Variants in GAL3ST4 observed in about 807,000 individuals in gnomAD.
The protein encoded by GAL3ST4 is galactose-3-O-sulfotransferase 4, also known as beta-galactose-3-O-sulfotransferase 4.
In GAL3ST4, 30 loss-of-function variants were observed where a neutral mutation model predicts 31.6. The observed-to-expected ratio is 0.95, with a 90% CI of 0.71 to 1.29. The LOEUF (loss-of-function observed/expected upper bound fraction) is 1.29, where lower values mean the gene tolerates loss of function less well. GAL3ST4 is among the 50% of genes most tolerant of loss of function. The probability of loss-of-function intolerance (pLI) is 0.00; values close to 1 mark genes in which losing one functional copy is unlikely to be tolerated. For synonymous variants in GAL3ST4, 248 were observed against 256.9 expected (o/e 0.97, Z 0.33); for missense variants, 629 against 625.2 (o/e 1.01, Z -0.06).
chr7:100,162,045 A>G (rs1457753675), intron 3 of GAL3ST4, among the ~76,000 whole-genome samples: 2 of 152,160 alleles, frequency 1.3e-5, no homozygotes, highest in East Asian at 3.8e-4. Context: ...TGATGTGTTG[A>G]TCAGTGCATC....
At position 100,160,359 on chromosome 7, in the gene GAL3ST4, T is replaced by A; in HGVS notation, c.1030A>T (p.Ser344Cys). 6.2e-7 allele frequency: 1 copy of A among 1,614,106 alleles called. No individual in the cohort carries two copies. Among genetic ancestry groups the A allele is most frequent in the East Asian group, 2.2e-5 (1 of 44,882 alleles). The change falls in exon 4 of 4, where the codon AGC becomes TGC. Residue 344 changes from serine (S) to cysteine (C), a missense_variant. Physicochemically the swap from Ser to Cys is moderately radical, Grantham distance 112. Transcript: ENST00000360039. Reference sequence around the variant, plus strand: ...TCCTCCGCAGTCAGTCCACTGTTGCTGACAGTGCTGAGGCCCTGCTTATGT... The same window carrying A: ...TCCTCCGCAGTCAGTCCACTGTTGCAGACAGTGCTGAGGCCCTGCTTATGT... ...AGHKQGLSTV[S>C]NSGLTAEDRQ...
At chr7:100,163,724 G>A (rs1383027364) in intron 3 of GAL3ST4, among the ~76,000 whole-genome samples, 1 of 151,998 alleles carries the variant, frequency 6.6e-6, no homozygotes, top group East Asian at 1.9e-4. Flanking sequence ...TTGTAGTGAT[G>A]GGGTCTTGCT....
intron 3 of GAL3ST4, among the ~76,000 whole-genome samples, chr7:100,165,184 T>G (rs1799053805): frequency 6.6e-6 from 1 of 151,370 alleles, no homozygotes; most frequent in African/African-American, 2.4e-5. Context: ...TTTTTTTTCT[T>G]TTGTGAAATG....
At chr7:100,162,562 AAAG>A (rs1316235981) in intron 3 of GAL3ST4, among the ~76,000 whole-genome samples, 3 of 133,428 alleles carry the variant, frequency 2.2e-5, no homozygotes, top group Non-Finnish European at 3.2e-5. Context: ...AAAAAAAAAG[AAAG>A]AAGCAGCCAG....
intron 3 of GAL3ST4, among the ~76,000 whole-genome samples, chr7:100,161,646 C>CT (rs1799005326): frequency 7.4e-6 from 1 of 135,518 alleles, no homozygotes; most frequent in Admixed American, 7.8e-5. Flanking sequence ...GAGCAAGACT[C>CT]TGTCTCAAAA....
chr7:100,165,139 G>A lies in GAL3ST4; in HGVS notation c.429+1363C>T, dbSNP rs201227895. Among the ~76,000 whole-genome samples, 27 of 152,052 alleles carry A rather than the reference G, an allele frequency of 1.8e-4. No individual in the cohort carries two copies. In the East Asian group the frequency reaches 5.2e-3, roughly 30 times the overall value. On this transcript the variant is annotated intron_variant, in intron 3 of 3. Coordinates refer to ENST00000360039, the MANE Select transcript of GAL3ST4 (RefSeq NM_024637.5). ...TCCACCCGCCTTGGCCTCCCAAAGT[G>A]CTGGGATTACAGGCGTGAGCCACTG...
In GAL3ST4 at chr7:100,167,234, C is replaced by A; in HGVS notation, c.-139G>T. On this transcript the variant is annotated 5_prime_UTR_variant, in exon 2 of 4. Transcript: ENST00000360039. ...GTCATTCCCCAGGCCTGCTCACAGT[C>A]TTGGTTGAGTCTGCCCCCTGAGTTA... 6.6e-7 allele frequency: 1 copy of A among 1,513,924 alleles called. No individual in the cohort carries two copies. Among genetic ancestry groups the A allele is most frequent in the South Asian group, 1.3e-5 (1 of 78,592 alleles). The allele number at this position is 1,513,924 out of a possible 1,614,324, so 93.8% of individuals were successfully genotyped here.
intron 3 of GAL3ST4, 56 bp downstream of exon 3, chr7:100,166,446 G>A (rs1461982123): frequency 7.8e-6 from 12 of 1,532,494 alleles, no homozygotes; most frequent in African/African-American, 2.7e-5. Flanking sequence ...TCCCTTGGTG[G>A]TGTCAGCCTG....
chr7:100,161,872 C>T (rs1799008616), intron 3 of GAL3ST4, among the ~76,000 whole-genome samples: 1 of 151,930 alleles, frequency 6.6e-6, no homozygotes, highest in Non-Finnish European at 1.5e-5. Flanking sequence ...AACAGAAAAC[C>T]AAACACCATG....
In GAL3ST4 at chr7:100,160,677, G is replaced by C; in HGVS notation, c.712C>G (p.Pro238Ala). ...NIHPPRDPNPPQLQVLPSGAG... is the reference protein window; with the variant it reads ...NIHPPRDPNPAQLQVLPSGAG... Reference sequence around the variant, plus strand: ...CCAGAAGGCAAGACCTGCAGCTGTGGGGGGTTGGGGTCTCTGGGGGGATGA... The same window carrying C: ...CCAGAAGGCAAGACCTGCAGCTGTGCGGGGTTGGGGTCTCTGGGGGGATGA... The change falls in exon 4 of 4, where the codon CCA becomes GCA. Residue 238 changes from proline (P) to alanine (A), a missense_variant. Transcript: ENST00000360039. 6.2e-7 allele frequency: 1 copy of C among 1,613,888 alleles called. No individual in the cohort carries two copies. Among genetic ancestry groups the C allele is most frequent in the Non-Finnish European group, 8.5e-7 (1 of 1,180,016 alleles).
At chr7:100,161,773 G>A (rs1474248576) in intron 3 of GAL3ST4, among the ~76,000 whole-genome samples, 2 of 151,910 alleles carry the variant, frequency 1.3e-5, no homozygotes, top group African/African-American at 4.8e-5. Flanking sequence ...ATGAGATAAT[G>A]TCCTTTGCAG....
intron 3 of GAL3ST4, among the ~76,000 whole-genome samples, chr7:100,163,110 A>C (rs555136590): frequency 2.3e-4 from 35 of 152,346 alleles, no homozygotes; most frequent in African/African-American, 7.9e-4. Flanking sequence ...CATAGGCAGC[A>C]GGTGGGCAGG....
At chr7:100,162,494 G>A (rs1799015862) in intron 3 of GAL3ST4, among the ~76,000 whole-genome samples, 3 of 148,824 alleles carry the variant, frequency 2.0e-5, no homozygotes, top group East Asian at 2.0e-4. Flanking sequence ...GCAGTGAGCC[G>A]AGATCGCGCC....
At position 100,159,934 on chromosome 7, in the gene GAL3ST4, G is replaced by A. The variant is rs748183670; in HGVS notation, c.1455C>T (p.Ser485=). ...SLPLKTSRPL[S]P is the part of the protein sequence containing the mutation. The stretch of plus-strand genomic sequence containing the variant: ...TAAATCTGTAGTCTGATGTTTATGG[G>A]GAGAGTGGCCTTGAAGTCTTGAGGG... The change falls in exon 4 of 4, where the codon TCC becomes TCT. Residue 485 remains serine (S), a synonymous_variant. Coordinates refer to ENST00000360039, the MANE Select transcript of GAL3ST4 (RefSeq NM_024637.5). The A allele has an allele frequency of 1.4e-4, 226 of 1,600,986 alleles. No homozygotes were observed. The highest frequency in any genetic ancestry group is 1.6e-4 in the Non-Finnish European group (188 of 1,172,860).
In GAL3ST4 at chr7:100,160,681, G is replaced by T. The variant is rs748647653; in HGVS notation, c.708C>A (p.Asn236Lys). The T allele has an allele frequency of 7.4e-6, 12 of 1,613,738 alleles. No homozygotes were observed. Among genetic ancestry groups the T allele is most frequent in the Admixed American group, 1.7e-5 (1 of 60,000 alleles). ...AAGGCAAGACCTGCAGCTGTGGGGG[G>T]TTGGGGTCTCTGGGGGGATGAATAT... is the stretch of plus-strand genomic sequence containing the variant. ...RGNIHPPRDP[N>K]PPQLQVLPSG... The change falls in exon 4 of 4, where the codon AAC becomes AAA. Residue 236 changes from asparagine to lysine, a missense_variant. Transcript: ENST00000360039.
chr7:100,161,135 T>C (rs1798998455), intron 3 of GAL3ST4, among the ~76,000 whole-genome samples, 176 bp from the exon 4 acceptor site: 1 of 152,182 alleles, frequency 6.6e-6, no homozygotes, highest in African/African-American at 2.4e-5. Context: ...TCTCTGAGAC[T>C]CAATTTGCTT....
intron 3 of GAL3ST4, among the ~76,000 whole-genome samples, chr7:100,165,175 T>G (rs530964563): frequency 6.6e-6 from 1 of 151,152 alleles, no homozygotes; most frequent in Non-Finnish European, 1.5e-5. Flanking sequence ...CGCCCGGCCT[T>G]TTTTTTCTTT....
At position 100,160,267 on chromosome 7, in the gene GAL3ST4, G is replaced by T. The variant is rs755751008; in HGVS notation, c.1122C>A (p.Asn374Lys). 1 of 1,614,086 alleles carries T rather than the reference G, an allele frequency of 6.2e-7. No individual in the cohort carries two copies. The highest frequency in any genetic ancestry group is 1.7e-5 in the Admixed American group (1 of 60,014). ...NLDWALYVHF[N>K]RSLWARIEKY... ...TCTCTATCCGTGCCCAGAGACTGCG[G>T]TTGAAGTGGACATAGAGAGCCCAGT... The change falls in exon 4 of 4, where the codon AAC (asparagine) becomes AAA (lysine). Residue 374 changes from asparagine (N) to lysine (K), a missense_variant. By Grantham distance (94) the Asn-to-Lys change is moderately conservative (BLOSUM62 0). Transcript: ENST00000360039.
At chr7:100,165,992 C>T (rs1438704508) in intron 3 of GAL3ST4, among the ~76,000 whole-genome samples, 2 of 151,782 alleles carry the variant, frequency 1.3e-5, no homozygotes, top group Admixed American at 1.3e-4. Flanking sequence ...ATAGCAAGAC[C>T]CCATCTCTAC....
Sources: allele counts gnomAD v4.1 joint callset (sites outside exome capture counted in the v4.1 genomes callset), GRCh38; gene constraint gnomAD v4.1.1; transcripts MANE v1.5; gene names NCBI Gene and HGNC (gene_info 2026-07-23, HGNC 2026-07-21).